ANLN: variants seen among roughly 807,000 people sequenced by gnomAD.
ANLN encodes anillin.
In ANLN, 59 loss-of-function variants were observed where a neutral mutation model predicts 135.1. The observed-to-expected ratio is 0.44, with a 90% CI of 0.35 to 0.54. The LOEUF is 0.54. ANLN is among the 20% of genes least tolerant of loss of function. The pLI is 0.00. For missense variants in ANLN, 1,182 were observed against 1,340.0 expected, an observed-to-expected ratio of 0.88 and a Z score of 1.84; for synonymous variants, 406 against 456.4, an observed-to-expected ratio of 0.89 and a Z score of 1.41.
intron 23 of ANLN, among the ~76,000 whole-genome samples, chr7:36,450,612 T>C (rs896907597): frequency 6.6e-6 from 1 of 152,186 alleles, no homozygotes; most frequent in African/African-American, 2.4e-5. Context: ...TTAAAATAGC[T>C]AGATAGAGGA....
intron 20 of ANLN, among the ~76,000 whole-genome samples, chr7:36,433,478 A>G (rs1038820309): frequency 4.6e-5 from 7 of 151,662 alleles, no homozygotes; most frequent in African/African-American, 1.7e-4. Flanking sequence ...TTTATTTTGC[A>G]TTTTTAACGG....
chr7:36,448,023 C>CT (rs1378484718), intron 22 of ANLN, among the ~76,000 whole-genome samples: 48 of 150,822 alleles, frequency 3.2e-4, no homozygotes, highest in African/African-American at 9.7e-4. Flanking sequence ...TTTTTCTTTT[C>CT]TTTTTTTTTG....
At position 36,438,074 on chromosome 7, in the gene ANLN, C is replaced by CCA. The variant is rs368340858; in HGVS notation, c.2884-1128_2884-1127dup. Among the ~76,000 whole-genome samples the CCA allele has an allele frequency of 6.0e-3, 918 of 152,338 alleles. 3 individuals carry two copies. Among genetic ancestry groups the CCA allele is most frequent in the South Asian group, 0.028 (133 of 4,830 alleles). ...AAAGTGCTGGGATTACAGGCGTGAG[C>CCA]CACCGCGCCCAGCCTTTCTAAGAGT... On this transcript the variant is annotated intron_variant, in intron 20 of 23. Coordinates refer to ENST00000265748, the MANE Select transcript of ANLN (RefSeq NM_018685.5).
Position 36,415,857 on chromosome 7 carries a change from G to A in ANLN, c.1495G>A (p.Ala499Thr). 1 of 1,602,238 alleles carries A rather than the reference G, an allele frequency of 6.2e-7. No individual in the cohort carries two copies. The highest frequency in any genetic ancestry group is 8.5e-7 in the Non-Finnish European group (1 of 1,176,094). ...AAAGGTGACCGAAAACCAGATACCA[G>A]CCAAAAATTCTAGTACAGAACCTAA... is the stretch of plus-strand genomic sequence containing the variant. ...TEKVTENQIP[A>T]KNSSTEPKGF... is the part of the protein sequence containing the mutation. The change falls in exon 8 of 24, where the codon GCC becomes ACC. Residue 499 changes from alanine to threonine, a missense_variant. Physicochemically the swap from Ala to Thr is moderately conservative, Grantham distance 58 (BLOSUM62 0). Around this residue, in one of 3 missense-constraint regions of ANLN, gnomAD observed 1,022 missense variants for 1,134.0 expected, o/e 0.90. Transcript: ENST00000265748.
intron 1 of ANLN, among the ~76,000 whole-genome samples, chr7:36,391,671 G>A (rs1198072085): frequency 1.3e-5 from 2 of 152,130 alleles, no homozygotes; most frequent in Non-Finnish European, 2.9e-5. Context: ...CTGAAAGTCA[G>A]TATAAAATGA....
In ANLN at chr7:36,411,062, C is replaced by A; in HGVS notation, c.1291C>A (p.Arg431Ser). Residue 431 changes from arginine (R) to serine (S), a missense_variant, in exon 7 of 24, where the codon CGT becomes AGT. Around this residue, in one of 3 missense-constraint regions of ANLN, gnomAD observed 1,022 missense variants for 1,134.0 expected, o/e 0.90. Transcript: ENST00000265748. ...ATACAGCTTTTGATGGGTTTAGGAA[C>A]GTCAAAAAGAACTAGCATGTCTTCG... ...THLAQQLKQE[R>S]QKELACLRGR... The A allele has an allele frequency of 6.2e-7, 1 of 1,603,748 alleles. No individual in the cohort carries two copies. The highest frequency in any genetic ancestry group is 1.1e-5 in the South Asian group (1 of 88,590).
intron 1 of ANLN, among the ~76,000 whole-genome samples, chr7:36,394,558 A>G (rs1786617165): frequency 6.6e-6 from 1 of 152,144 alleles, no homozygotes; most frequent in Non-Finnish European, 1.5e-5. Context: ...TGGTTCATAA[A>G]TTATTTTTTC....
chr7:36,453,154 A>C lies in ANLN; in HGVS notation c.*554A>C, dbSNP rs1056779900. Reference sequence around the variant, plus strand: ...TGGCTTAAAGCATGAGGCTGTCTTCAGAAAAGTGATGTGGACATAGGAGGC... The same window carrying C: ...TGGCTTAAAGCATGAGGCTGTCTTCCGAAAAGTGATGTGGACATAGGAGGC... On this transcript the variant is annotated 3_prime_UTR_variant, in exon 24 of 24. Transcript: ENST00000265748. The C allele has an allele frequency of 2.0e-5, 3 of 152,436 alleles. No individual in the cohort carries two copies. 9.4% of individuals were successfully genotyped at this position (152,436 alleles called of 1,614,324 possible).
At chr7:36,442,137 A>C (rs1379015393) in intron 21 of ANLN, among the ~76,000 whole-genome samples, 1 of 152,206 alleles carries the variant, frequency 6.6e-6, no homozygotes, top group African/African-American at 2.4e-5. Flanking sequence ...TGTATATCCT[A>C]TTGTCATAGG....
intron 14 of ANLN, 139 bp downstream of exon 14, chr7:36,422,948 TAATAAA>T: frequency 1.5e-6 from 1 of 654,594 alleles, no homozygotes; most frequent in Non-Finnish European, 2.4e-6. Flanking sequence ...TATTGAGATA[TAATAAA>T]AATAAGAAAA....
At chr7:36,426,337 C>T (rs555890494) in intron 19 of ANLN, among the ~76,000 whole-genome samples, 2 of 152,258 alleles carry the variant, frequency 1.3e-5, no homozygotes, top group South Asian at 2.1e-4. Context: ...TTGTGCTTTC[C>T]ATACTGCAGA....
At chr7:36,418,754 C>G (rs1177010726) in intron 9 of ANLN, among the ~76,000 whole-genome samples, 2 of 143,806 alleles carry the variant, frequency 1.4e-5, no homozygotes, top group Admixed American at 1.4e-4. Flanking sequence ...TTTCTTTTTT[C>G]TTTTTTTTTT....
In ANLN at chr7:36,452,715, A is replaced by G; in HGVS notation, c.*115A>G. 2 of 1,212,488 alleles carry G rather than the reference A, an allele frequency of 1.6e-6. No homozygotes were observed. Among genetic ancestry groups the G allele is most frequent in the Non-Finnish European group, 2.3e-6 (2 of 855,978 alleles). The allele number at this position is 1,212,488 out of a possible 1,614,324, so 75.1% of individuals were successfully genotyped here. ...CTTTAAGTACGAAAGGGTTTGTGCC[A>G]ATATTCACTACGTATTATGCAGTAT... On this transcript the variant is annotated 3_prime_UTR_variant, in exon 24 of 24. Coordinates refer to ENST00000265748, the MANE Select transcript of ANLN (RefSeq NM_018685.5).
intron 19 of ANLN, 47 bp downstream of exon 19, chr7:36,426,083 T>TTAAG: frequency 7.4e-7 from 1 of 1,344,636 alleles, no homozygotes; most frequent in Non-Finnish European, 1.0e-6. Flanking sequence ...AGGTAAGGAA[T>TTAAG]TAAGCACTTG....
intron 7 of ANLN, among the ~76,000 whole-genome samples, chr7:36,411,858 T>C (rs1484055339): frequency 6.6e-6 from 1 of 152,178 alleles, no homozygotes; most frequent in East Asian, 1.9e-4. Flanking sequence ...TTTTCTCAGT[T>C]GCTCTGGAAC....
rs185746267 is a variant in ANLN at position 36,432,290 on chromosome 7, C to T, written c.2883+5262C>T. ...GATATCCTTTTTCTTCACTGATTTT[C>T]TTAATGGTGTCTGGGAACTCATCTC... On this transcript the variant is annotated intron_variant, in intron 20 of 23. Transcript: ENST00000265748. Among the ~76,000 whole-genome samples the T allele has an allele frequency of 3.3e-5, 5 of 152,278 alleles. No homozygotes were observed. The East Asian group carries it at 9.6e-4, about 29-fold the overall frequency.
At chr7:36,443,026 A>T (rs545639146) in intron 21 of ANLN, among the ~76,000 whole-genome samples, 1 of 150,872 alleles carries the variant, frequency 6.6e-6, no homozygotes, top group Non-Finnish European at 1.5e-5. Flanking sequence ...TGGGGGAAAA[A>T]CTCTTAGCTT....
intron 21 of ANLN, among the ~76,000 whole-genome samples, chr7:36,440,541 G>A (rs1288787215): frequency 2.0e-5 from 3 of 152,146 alleles, no homozygotes; most frequent in African/African-American, 7.2e-5. Context: ...GCTTGCAGAG[G>A]TATGTAGGGT....
At chr7:36,393,594 C>T (rs62445295) in intron 1 of ANLN, among the ~76,000 whole-genome samples, 1 of 152,112 alleles carries the variant, frequency 6.6e-6, no homozygotes. Context: ...GAAGACTTAA[C>T]GTGGAAATAC....
Sources: gnomAD v4.1 joint callset for allele counts (sites outside exome capture counted in the v4.1 genomes callset) on GRCh38, gnomAD v4.1.1 for gene constraint, gnomAD v4.1.1 regional missense constraint, MANE v1.5 for transcripts, NCBI Gene and HGNC (gene_info 2026-07-23, HGNC 2026-07-21) for gene names.